ZDHHC2: variants seen among roughly 807,000 people sequenced by gnomAD.
ZDHHC2 encodes palmitoyltransferase ZDHHC2.
In ZDHHC2, 51 loss-of-function variants were observed where a neutral mutation model predicts 55.6. The ratio of observed to expected loss-of-function variants is 0.92; its 90% CI spans 0.73 to 1.16. The LOEUF (loss-of-function observed/expected upper bound fraction) is 1.16, where lower values mean the gene tolerates loss of function less well. Ranked by LOEUF, ZDHHC2 falls within the 50% of genes most tolerant of loss-of-function variation. The pLI, the probability that ZDHHC2 is intolerant of heterozygous loss-of-function variation, is 0.00. For missense variants in ZDHHC2, 491 were observed against 442.4 expected, an observed-to-expected ratio of 1.11 and a Z score of -0.99; for synonymous variants, 199 against 152.9, an observed-to-expected ratio of 1.30 and a Z score of -2.22.
Position 17,215,310 on chromosome 8 carries a change from T to C in ZDHHC2, c.1024T>C (p.Trp342Arg). Residue 342 changes from tryptophan to arginine, a missense_variant, in exon 11 of 13, where the codon TGG (tryptophan) becomes CGG (arginine). Physicochemically the swap from Trp to Arg is moderately radical, Grantham distance 101 (BLOSUM62 -3). Transcript: ENST00000262096. ...CCACCTTCTTACTGATTCTCAGTCT[T>C]GGACGGAGAGCAGCATAAACCCAGG... Reference protein sequence around the residue: ...QSHLLTDSQSWTESSINPGKC... With the variant: ...QSHLLTDSQSRTESSINPGKC... 1 of 1,596,430 alleles carries C rather than the reference T, an allele frequency of 6.3e-7. No individual in the cohort carries two copies. The highest frequency in any genetic ancestry group is 8.5e-7 in the Non-Finnish European group (1 of 1,170,920).
intron 6 of ZDHHC2, among the ~76,000 whole-genome samples, chr8:17,199,488 T>TTCTTCG (rs1554465933): frequency 5.3e-4 from 17 of 31,876 alleles, no homozygotes; most frequent in Admixed American, 3.4e-3. Context: ...CTTCTTCTTC[T>TTCTTCG]TCTTCTTCTT....
Position 17,215,266 on chromosome 8 carries a change from C to T in ZDHHC2, c.980C>T (p.Pro327Leu). ...NLENHQFPAK[P>L]LRESQSHLLT... is the part of the protein sequence containing the mutation. ...GAAAACCATCAGTTTCCTGCAAAGC[C>T]ATTGAGAGAGTCCCAGAGCCACCTT... Residue 327 changes from proline (P) to leucine (L), a missense_variant, in exon 11 of 13, where the codon CCA becomes CTA. By Grantham distance (98) the Pro-to-Leu change is moderately conservative (BLOSUM62 -3). Coordinates refer to ENST00000262096, the MANE Select transcript of ZDHHC2 (RefSeq NM_016353.5). 3 of 1,601,976 alleles carry T rather than the reference C, an allele frequency of 1.9e-6. No homozygotes were observed. The highest frequency in any genetic ancestry group is 2.6e-6 in the Non-Finnish European group (3 of 1,174,016).
chr8:17,181,979 TGAC>T (rs1417882518), intron 1 of ZDHHC2, among the ~76,000 whole-genome samples: 1 of 152,314 alleles, frequency 6.6e-6, no homozygotes, highest in East Asian at 1.9e-4. Context: ...ACTTTGAACT[TGAC>T]AACTCTGCCA....
At chr8:17,156,945 C>A (rs1383421534) in intron 1 of ZDHHC2, 92 bp downstream of exon 1, 61 of 1,238,168 alleles carry the variant, frequency 4.9e-5, no homozygotes, top group Non-Finnish European at 6.3e-5. Flanking sequence ...TCTCGCCCCC[C>A]GGATGCGCCC....
chr8:17,199,465 ACTTCTTCTTCTTCTTCTTCTT>A lies in ZDHHC2; in HGVS notation c.476+1081_476+1101del, dbSNP rs377014817. Among the ~76,000 whole-genome samples, 37 of 98,576 alleles carry A rather than the reference ACTTCTTCTTCTTCTTCTTCTT, an allele frequency of 3.8e-4. 1 individual carries two copies. The highest frequency in any genetic ancestry group is 7.6e-4 in the African/African-American group (19 of 25,152). 64.7% of individuals were successfully genotyped at this position (98,576 alleles called of 152,430 possible). On this transcript the variant is annotated intron_variant, in intron 6 of 12. Transcript: ENST00000262096. Reference sequence around the variant, plus strand: ...CCTCTCCCCCAGTGTCTTTAATAAGACTTCTTCTTCTTCTTCTTCTTCTTCTTCTTCTTCTTCTTCTTCTTC... The same window carrying A: ...CCTCTCCCCCAGTGTCTTTAATAAGACTTCTTCTTCTTCTTCTTCTTCTTC...
chr8:17,170,145 T>G (rs1804787372), intron 1 of ZDHHC2, among the ~76,000 whole-genome samples: 1 of 152,184 alleles, frequency 6.6e-6, no homozygotes, highest in African/African-American at 2.4e-5. Context: ...AAAGGCATTG[T>G]ATAATTCCAG....
At chr8:17,215,405 C>T (rs1179066271) in intron 11 of ZDHHC2, 56 bp downstream of exon 11, 12 of 1,421,072 alleles carry the variant, frequency 8.4e-6, no homozygotes, top group African/African-American at 2.9e-5. Flanking sequence ...AGAAGGTAAA[C>T]GTGGTTAAAA....
At chr8:17,206,810 T>G (rs1807121976) in intron 7 of ZDHHC2, among the ~76,000 whole-genome samples, 1 of 152,206 alleles carries the variant, frequency 6.6e-6, no homozygotes, top group South Asian at 2.1e-4. Context: ...TTTCATTAAA[T>G]TATCTTTATT....
At chr8:17,201,717 C>T (rs1378282031) in intron 6 of ZDHHC2, among the ~76,000 whole-genome samples, 1 of 149,114 alleles carries the variant, frequency 6.7e-6, no homozygotes, top group African/African-American at 2.5e-5. Flanking sequence ...AGGATGGTCT[C>T]GATCTCCTGA....
At chr8:17,212,961 C>G (rs1458356256) in intron 10 of ZDHHC2, among the ~76,000 whole-genome samples, 1 of 152,118 alleles carries the variant, frequency 6.6e-6, no homozygotes, top group African/African-American at 2.4e-5. Context: ...CTCCTGGGCT[C>G]AAGCAGTCCT....
chr8:17,205,634 ATGTTT>A lies in ZDHHC2; in HGVS notation c.477-19_477-15del, dbSNP rs1563165887. 1 of 1,581,544 alleles carries A rather than the reference ATGTTT, an allele frequency of 6.3e-7. No individual in the cohort carries two copies. The highest frequency in any genetic ancestry group is 1.9e-5 in the Admixed American group (1 of 52,220). The stretch of plus-strand genomic sequence containing the variant: ...GTTGAAGATGTAAAACTCACTGGAA[ATGTTT>A]TTGTTTTGTTAACAGGGTGAACAAT... On this transcript the variant is annotated splice_polypyrimidine_tract_variant and intron_variant, in intron 6 of 12. Transcript: ENST00000262096.
intron 1 of ZDHHC2, among the ~76,000 whole-genome samples, chr8:17,179,912 T>G (rs74690613): frequency 0.022 from 3,325 of 152,298 alleles, 57 homozygotes; most frequent in Non-Finnish European, 0.034. Flanking sequence ...AGCAAAATAT[T>G]ATCATTGTAG....
At chr8:17,186,546 A>T (rs531667176) in intron 3 of ZDHHC2, 121 bp downstream of exon 3, 3 of 568,054 alleles carry the variant, frequency 5.3e-6, no homozygotes, top group African/African-American at 4.0e-5. Flanking sequence ...TTTTTAGATT[A>T]AAAAAATTAG....
At chr8:17,182,892 C>T (rs570936478) in intron 1 of ZDHHC2, among the ~76,000 whole-genome samples, 3 of 152,098 alleles carry the variant, frequency 2.0e-5, no homozygotes, top group African/African-American at 7.2e-5. Context: ...CTCCAAGTAG[C>T]TGGGATTACA....
intron 2 of ZDHHC2, among the ~76,000 whole-genome samples, chr8:17,186,070 A>C (rs1427670388): frequency 6.6e-6 from 1 of 152,208 alleles, no homozygotes; most frequent in Non-Finnish European, 1.5e-5. Context: ...TGATTTTGCC[A>C]ATAGATGGTC....
rs147420976 is a variant in ZDHHC2 at position 17,202,942 on chromosome 8, C to A, written c.477-2713C>A. On this transcript the variant is annotated intron_variant, in intron 6 of 12. Transcript: ENST00000262096. Reference sequence around the variant, plus strand: ...ATCAAAATCATTTTATAAAAATACTCTTTATTATTTAATTCAAGAGCTGCT... The same window carrying A: ...ATCAAAATCATTTTATAAAAATACTATTTATTATTTAATTCAAGAGCTGCT... 4.6e-5 allele frequency among the ~76,000 whole-genome samples: 7 copies of A among 151,998 alleles called. No individual in the cohort carries two copies. The East Asian group carries it at 1.2e-3, about 25-fold the overall frequency.
intron 3 of ZDHHC2, among the ~76,000 whole-genome samples, chr8:17,187,369 C>G (rs1805765982): frequency 6.6e-6 from 1 of 151,902 alleles, no homozygotes; most frequent in African/African-American, 2.4e-5. Flanking sequence ...TAAAAATATA[C>G]TTTGCTAACT....
intron 1 of ZDHHC2, among the ~76,000 whole-genome samples, chr8:17,157,725 G>A (rs920562233): frequency 6.6e-6 from 1 of 152,228 alleles, no homozygotes; most frequent in African/African-American, 2.4e-5. Context: ...AGAAAAAGAT[G>A]TTAAAACAGA....
intron 12 of ZDHHC2, among the ~76,000 whole-genome samples, chr8:17,218,772 T>C (rs1563173391): frequency 6.6e-6 from 1 of 152,240 alleles, no homozygotes; most frequent in East Asian, 1.9e-4. Flanking sequence ...TCATGTTTTC[T>C]ATTCTATCGA....
Sources: gnomAD v4.1 joint callset for allele counts (sites outside exome capture counted in the v4.1 genomes callset) on GRCh38, gnomAD v4.1.1 for gene constraint, MANE v1.5 for transcripts, NCBI Gene and HGNC (gene_info 2026-07-23, HGNC 2026-07-21) for gene names.